FLT1: variants seen among roughly 807,000 people sequenced by gnomAD.
FLT1 encodes vascular endothelial growth factor receptor 1.
A neutral mutation model predicts 156.3 loss-of-function variants in FLT1; 49 were observed. The ratio of observed to expected loss-of-function variants is 0.31; its 90% confidence interval spans 0.25 to 0.40. The LOEUF is 0.40. Among genes scored for constraint, FLT1 ranks in the 10% least tolerant of loss-of-function variants. The pLI, the probability that FLT1 is intolerant of heterozygous loss-of-function variation, is 1.00. For synonymous variants in FLT1, 594 were observed against 583.8 expected, an observed-to-expected ratio of 1.02 and a Z score of -0.25; for missense variants, 1,322 against 1,637.2, an observed-to-expected ratio of 0.81 and a Z score of 3.32.
chr13:28,456,582 G>GGTCACGAT (rs1879280022), intron 3 of FLT1, among the ~76,000 whole-genome samples: 1 of 152,082 alleles, frequency 6.6e-6, no homozygotes, highest in South Asian at 2.1e-4. Context: ...TGGATCACGA[G>GGTCACGAT]GTCAGGAGCT....
chr13:28,417,624 A>G (rs917515910), intron 10 of FLT1, among the ~76,000 whole-genome samples: 4 of 152,032 alleles, frequency 2.6e-5, no homozygotes, highest in Non-Finnish European at 4.4e-5. Flanking sequence ...TCTCACCTAT[A>G]AAACAATCTC....
intron 28 of FLT1, among the ~76,000 whole-genome samples, 170 bp from the exon 29 acceptor site, chr13:28,306,942 C>T (rs374307685): frequency 1.3e-5 from 2 of 152,262 alleles, no homozygotes; most frequent in East Asian, 3.9e-4. Context: ...ACAAACTTGA[C>T]CCGCTGCAAA....
At position 28,302,730 on chromosome 13, in the gene FLT1, C is replaced by T. The variant is rs536252522; in HGVS notation, c.*437G>A. The T allele has an allele frequency of 8.8e-4, 216 of 246,598 alleles. 1 individual carries two copies. The highest frequency in any genetic ancestry group is 1.3e-3 in the Admixed American group (26 of 19,290). The allele number at this position is 246,598 out of a possible 1,614,324, so 15.3% of individuals were successfully genotyped here. A position where few individuals can be genotyped will look rare whatever the true frequency, so the allele number is the denominator to read the frequency against. ...TGTCTTAGGCCTGCTAGAGGACTCC[C>T]GAGATGTTGCTCAGGCCAGCCAGTG... On this transcript the variant is annotated 3_prime_UTR_variant, in exon 30 of 30. Transcript: ENST00000282397.
At chr13:28,388,058 G>T in intron 13 of FLT1, 2 of 1,058,648 alleles carry the variant, frequency 1.9e-6, no homozygotes, top group Non-Finnish European at 2.3e-6. Flanking sequence ...CAACTATTAA[G>T]GCCCCCATGT....
chr13:28,431,314 G>T lies in FLT1; in HGVS notation c.814-4C>A, dbSNP rs1416306416. 1 of 1,607,616 alleles carries T rather than the reference G, an allele frequency of 6.2e-7. No homozygotes were observed. Among genetic ancestry groups the T allele is most frequent in the Non-Finnish European group, 8.5e-7 (1 of 1,174,326 alleles). On this transcript the variant is annotated splice_region_variant and splice_polypyrimidine_tract_variant and intron_variant, in intron 6 of 29. Transcript: ENST00000282397. ...TTACGGAAGCTCTCTTATTTTTCTA[G>T]AAAGAAAATGTATAACAAATGTAGA... is the stretch of plus-strand genomic sequence containing the variant.
At chr13:28,422,174 G>A (rs1484921031) in intron 10 of FLT1, among the ~76,000 whole-genome samples, 3 of 152,192 alleles carry the variant, frequency 2.0e-5, no homozygotes, top group East Asian at 1.9e-4. Flanking sequence ...TATCAGTGAC[G>A]TGCCAAGTTG....
rs543358781 is a variant in FLT1, at chr13:28,345,137, G to A, written c.2355+308C>T. On this transcript the variant is annotated intron_variant, in intron 16 of 29. Transcript: ENST00000282397. ...TTTCTTAGCAGAGAGTGAGCGTTAG[G>A]AAATAAAGGTTTCACAGGTCCCACA... 7.2e-5 allele frequency among the ~76,000 whole-genome samples: 11 copies of A among 152,092 alleles called. No individual in the cohort carries two copies. The East Asian group carries it at 2.1e-3, about 29-fold the overall frequency.
chr13:28,451,474 T>C (rs1327318948), intron 3 of FLT1, among the ~76,000 whole-genome samples: 1 of 152,182 alleles, frequency 6.6e-6, no homozygotes. Flanking sequence ...GAGCAAGCCC[T>C]GTTTTCTGGA....
At chr13:28,316,176 GCCCT>G (rs1377720858) in intron 25 of FLT1, among the ~76,000 whole-genome samples, 1 of 152,232 alleles carries the variant, frequency 6.6e-6, no homozygotes, top group Non-Finnish European at 1.5e-5. Context: ...GAGCTCCCCA[GCCCT>G]GCTGTTGGGC....
chr13:28,316,700 G>A (rs867876995), intron 25 of FLT1, among the ~76,000 whole-genome samples: 5 of 150,160 alleles, frequency 3.3e-5, no homozygotes, highest in South Asian at 4.2e-4. Flanking sequence ...GTGCAGTGGC[G>A]TGATCTTGGC....
intron 1 of FLT1, among the ~76,000 whole-genome samples, chr13:28,469,220 C>T (rs972652200): frequency 6.6e-6 from 1 of 152,182 alleles, no homozygotes; most frequent in Non-Finnish European, 1.5e-5. Flanking sequence ...GCACCAATCT[C>T]AGGGTATAGT....
intron 20 of FLT1, among the ~76,000 whole-genome samples, chr13:28,326,682 C>T (rs974060094): frequency 3.9e-5 from 6 of 151,906 alleles, no homozygotes; most frequent in East Asian, 1.9e-4. Context: ...CGGGCCACCA[C>T]GCCTGGCTAA....
intron 27 of FLT1, among the ~76,000 whole-genome samples, chr13:28,309,938 G>A (rs1593668247): frequency 8.1e-6 from 1 of 124,220 alleles, no homozygotes; most frequent in East Asian, 2.6e-4. Context: ...CACCCAGGCT[G>A]GAGTGCAGTG....
chr13:28,416,511 G>C (rs139852756), intron 10 of FLT1, among the ~76,000 whole-genome samples: 239 of 152,280 alleles, frequency 1.6e-3, no homozygotes, highest in Non-Finnish European at 3.1e-3. Flanking sequence ...TGTTAACCAG[G>C]ACTAGTGTCC....
rs920803994 is a variant in FLT1 at position 28,303,500 on chromosome 13, C to CG, written c.3816-133_3816-132insC. The CG allele has an allele frequency of 2.0e-4, 157 of 785,772 alleles. No homozygotes were observed. The East Asian group carries it at 2.2e-3, about 11-fold the overall frequency. 48.7% of individuals were successfully genotyped at this position (785,772 alleles called of 1,614,324 possible). ...GAGTTCATGGTTTTGGAACCCCCCC[C>CG]CCCTCAATTGCTGTCAGATTTCCTC... On this transcript the variant is annotated intron_variant, in intron 29 of 29. Transcript: ENST00000282397.
At chr13:28,387,361 T>A (rs890787760) in intron 13 of FLT1, 2 of 1,048,964 alleles carry the variant, frequency 1.9e-6, no homozygotes, top group Non-Finnish European at 2.3e-6. Context: ...TTATACATTA[T>A]AATAATCTAT....
intron 1 of FLT1, among the ~76,000 whole-genome samples, chr13:28,478,703 T>C (rs916853677): frequency 3.9e-5 from 6 of 152,248 alleles, no homozygotes; most frequent in African/African-American, 1.4e-4. Flanking sequence ...AAAATGCATA[T>C]TGTTCCAGTT....
At chr13:28,402,126 C>T (rs754854564) in intron 11 of FLT1, among the ~76,000 whole-genome samples, 2 of 152,072 alleles carry the variant, frequency 1.3e-5, no homozygotes, top group Non-Finnish European at 2.9e-5. Context: ...GTCCTCTATA[C>T]CCTTCCTTAA....
intron 1 of FLT1, among the ~76,000 whole-genome samples, chr13:28,472,941 G>T (rs1004783918): frequency 2.6e-5 from 4 of 152,196 alleles, no homozygotes; most frequent in Non-Finnish European, 4.4e-5. Context: ...ATCAACCAAG[G>T]CTCTGAATAG....
Sources: allele counts gnomAD v4.1 joint callset (sites outside exome capture counted in the v4.1 genomes callset), GRCh38; gene constraint gnomAD v4.1.1; transcripts MANE v1.5; gene names NCBI Gene and HGNC (gene_info 2026-07-23, HGNC 2026-07-21).